The following SLC18A1 variants were observed in gnomAD, a reference collection of about 807,000 sequenced individuals.
The protein encoded by SLC18A1 is solute carrier family 18 member A1, also known as chromaffin granule amine transporter.
A neutral mutation model predicts 53.7 loss-of-function variants in SLC18A1; 69 were observed. That is an observed-to-expected ratio of 1.28 (90% CI 1.06 to 1.57). The LOEUF (loss-of-function observed/expected upper bound fraction) is 1.57. Ranked by LOEUF, SLC18A1 falls within the 40% of genes most tolerant of loss-of-function variation. The pLI is 0.00. For synonymous variants in SLC18A1, 320 were observed against 248.1 expected (o/e 1.29, Z -2.72); for missense variants, 932 against 668.1 (o/e 1.40, Z -4.35).
intron 10 of SLC18A1, among the ~76,000 whole-genome samples, chr8:20,163,430 C>T (rs562242987): frequency 2.0e-5 from 3 of 152,248 alleles, no homozygotes; most frequent in Non-Finnish European, 2.9e-5. Context: ...CAGTAAGTGA[C>T]GTGGTCAGCA....
chr8:20,178,495 T>C lies in SLC18A1; in HGVS notation c.489-2A>G. 1.3e-6 allele frequency: 2 copies of C among 1,577,366 alleles called. No homozygotes were observed. Among genetic ancestry groups the C allele is most frequent in the Non-Finnish European group, 1.7e-6 (2 of 1,158,826 alleles). On this transcript the variant is annotated splice_acceptor_variant, in intron 3 of 15. Coordinates refer to ENST00000276373, the MANE Select transcript of SLC18A1 (RefSeq NM_003053.4). LOFTEE classifies it high-confidence loss of function. ...AACATGGGGATATGATATCCAATCC[T>C]AAAAGGGAATTGAAAAAAAAAAAGA... is the stretch of plus-strand genomic sequence containing the variant.
chr8:20,175,014 A>G (rs1206562870), intron 4 of SLC18A1, among the ~76,000 whole-genome samples: 2 of 152,244 alleles, frequency 1.3e-5, no homozygotes, highest in Non-Finnish European at 2.9e-5. Flanking sequence ...ATTATACTGA[A>G]TGCGCAGCTC....
intron 13 of SLC18A1, 102 bp downstream of exon 13, chr8:20,147,905 G>A: frequency 6.9e-7 from 1 of 1,455,138 alleles, no homozygotes; most frequent in Non-Finnish European, 9.5e-7. Flanking sequence ...TGATCCTTCT[G>A]CCTCTGCACC....
intron 10 of SLC18A1, among the ~76,000 whole-genome samples, chr8:20,155,311 G>GA (rs774247424): frequency 3.9e-5 from 6 of 152,200 alleles, no homozygotes; most frequent in Admixed American, 6.5e-5. Context: ...AGAATCAGAG[G>GA]AAAATACCGA....
At chr8:20,150,149 T>A (rs2071513633) in intron 11 of SLC18A1, among the ~76,000 whole-genome samples, 1 of 152,200 alleles carries the variant, frequency 6.6e-6, no homozygotes, top group East Asian at 1.9e-4. Flanking sequence ...CCTTCTCTGA[T>A]GTCCTATGGC....
intron 12 of SLC18A1, chr8:20,148,458 C>T (rs1563719906): frequency 3.9e-6 from 5 of 1,290,710 alleles, no homozygotes; most frequent in African/African-American, 1.5e-5. Flanking sequence ...AATAAAGTTG[C>T]CTCTGTTTTC....
At chr8:20,179,554 C>CTAAG in intron 2 of SLC18A1, 70 bp from the exon 3 acceptor site, 4 of 1,528,470 alleles carry the variant, frequency 2.6e-6, no homozygotes. Context: ...ACTCAAGGGG[C>CTAAG]TAAGGACAGA....
chr8:20,175,757 A>G (rs1213686181), intron 4 of SLC18A1: 1 of 152,182 alleles, frequency 6.6e-6, no homozygotes, highest in Non-Finnish European at 1.5e-5. Flanking sequence ...TTGCCCATTC[A>G]TTACAGATGT....
intron 10 of SLC18A1, among the ~76,000 whole-genome samples, chr8:20,151,353 C>A (rs1227113592): frequency 6.6e-6 from 1 of 151,988 alleles, no homozygotes; most frequent in Non-Finnish European, 1.5e-5. Context: ...CCCTGATGAG[C>A]CGTTCTCATG....
intron 2 of SLC18A1, among the ~76,000 whole-genome samples, chr8:20,180,365 G>T (rs906474980): frequency 2.6e-5 from 4 of 152,126 alleles, no homozygotes; most frequent in African/African-American, 9.7e-5. Flanking sequence ...GATTAGGAGA[G>T]TATCAACTAA....
chr8:20,173,118 C>T lies in SLC18A1; in HGVS notation c.642G>A (p.Met214Ile). The change falls in exon 6 of 16, where the codon ATG becomes ATA. Residue 214 changes from methionine to isoleucine, a missense_variant. Met to Ile is a conservative substitution (Grantham distance 10, BLOSUM62 1). Transcript: ENST00000276373. Reference protein sequence around the residue: ...SSFSSVAGLGMLASVYTDDHE... With the variant: ...SSFSSVAGLGILASVYTDDHE... ...GGTCATCAGTGTAGACACTGGCCAG[C>T]ATTCCAAGACCTGCGCAGAGAGTTA... The T allele has an allele frequency of 6.4e-7, 1 of 1,572,316 alleles. No individual in the cohort carries two copies. The highest frequency in any genetic ancestry group is 8.6e-7 in the Non-Finnish European group (1 of 1,159,262).
chr8:20,156,462 T>C (rs986895201), intron 10 of SLC18A1, among the ~76,000 whole-genome samples: 2 of 152,190 alleles, frequency 1.3e-5, no homozygotes, highest in African/African-American at 4.8e-5. Context: ...GGAAGATAGA[T>C]GGTTCCTCCC....
At chr8:20,163,479 G>A (rs1221590688) in intron 10 of SLC18A1, among the ~76,000 whole-genome samples, 1 of 152,084 alleles carries the variant, frequency 6.6e-6, no homozygotes, top group African/African-American at 2.4e-5. Flanking sequence ...CCTCCCCTTG[G>A]TGATGCTACC....
chr8:20,148,039 A>G lies in SLC18A1; in HGVS notation c.1178T>C (p.Ile393Thr), dbSNP rs747704796. Residue 393 changes from isoleucine (I) to threonine (T), a missense_variant, in exon 13 of 16, where the codon ATT (isoleucine) becomes ACT (threonine). Ile to Thr is a moderately conservative substitution (Grantham distance 89, BLOSUM62 -1). Transcript: ENST00000276373. ...AAGGCCAAGCCCTGCATTGGGGCCA[A>G]TGAGACCAAAAATATTGTGAGCCAG... ...VPLAHNIFGL[I>T]GPNAGLGLAI... is the part of the protein sequence containing the mutation. 17 of 1,614,032 alleles carry G rather than the reference A, an allele frequency of 1.1e-5. No homozygotes were observed. Among genetic ancestry groups the G allele is most frequent in the African/African-American group, 6.7e-5 (5 of 74,926 alleles).
rs771767779 is a variant in SLC18A1 at position 20,147,243 on chromosome 8, G to A, written c.1464+15C>T. 6.9e-6 allele frequency: 11 copies of A among 1,585,266 alleles called. No individual in the cohort carries two copies. The highest frequency in any genetic ancestry group is 1.4e-5 in the African/African-American group (1 of 73,386). On this transcript the variant is annotated intron_variant, in intron 15 of 15. Coordinates refer to ENST00000276373, the MANE Select transcript of SLC18A1 (RefSeq NM_003053.4). ...ACAGAAGTGAATTTCTCTTTTAACA[G>A]TCGGTGCTCCTTACAAGCTTCTCTT...
intron 10 of SLC18A1, among the ~76,000 whole-genome samples, chr8:20,163,826 CTGGTAACTGAGTAAT>C (rs2071888144): frequency 1.3e-5 from 2 of 152,154 alleles, no homozygotes; most frequent in Non-Finnish European, 1.5e-5. Context: ...AACTGAGTGA[CTGGTAACTGAGTAAT>C]TGGTAACTGG....
chr8:20,154,386 C>CTTTT (rs2071631934), intron 10 of SLC18A1, among the ~76,000 whole-genome samples: 1 of 152,104 alleles, frequency 6.6e-6, no homozygotes, highest in Non-Finnish European at 1.5e-5. Context: ...CAGATGTTGA[C>CTTTT]AGCTTTAATG....
chr8:20,179,154 A>G lies in SLC18A1; in HGVS notation c.455T>C (p.Leu152Pro), dbSNP rs779937173. 4 of 1,613,858 alleles carry G rather than the reference A, an allele frequency of 2.5e-6. No individual in the cohort carries two copies. In the Admixed American group the frequency reaches 5.0e-5, roughly 20 times the overall value. ...GAGAGGGCCCACGAATGGGTTGACC[A>G]GAAGTTGCATCACAGCCTTTGAAGC... The part of the protein sequence containing the change: ...LFASKAVMQL[L>P]VNPFVGPLTN... Residue 152 changes from leucine (L) to proline (P), a missense_variant, in exon 3 of 16, where the codon CTG (leucine) becomes CCG (proline). Leu to Pro is a moderately conservative substitution (Grantham distance 98, BLOSUM62 -3). Coordinates refer to ENST00000276373, the MANE Select transcript of SLC18A1 (RefSeq NM_003053.4).
chr8:20,148,382 G>C, intron 12 of SLC18A1: 3 of 1,085,376 alleles, frequency 2.8e-6, no homozygotes, highest in Non-Finnish European at 3.7e-6. Flanking sequence ...CTGTTCCATG[G>C]ATACTTTCTC....
Sources: allele counts gnomAD v4.1 joint callset (sites outside exome capture counted in the v4.1 genomes callset), GRCh38; gene constraint gnomAD v4.1.1; transcripts MANE v1.5; gene names NCBI Gene and HGNC (gene_info 2026-07-23, HGNC 2026-07-21).